The following ZMYND12 variants were observed in gnomAD, a reference collection of about 807,000 sequenced individuals.
ZMYND12 encodes zinc finger MYND domain-containing protein 12.
ZMYND12 carries 32 observed loss-of-function variants against 41.7 expected under a neutral mutation model. That is an observed-to-expected ratio of 0.77 (90% CI 0.58 to 1.03). The LOEUF (loss-of-function observed/expected upper bound fraction) is 1.03, where lower values mean the gene tolerates loss of function less well. ZMYND12 is among the 50% of genes least tolerant of loss of function. The pLI is 0.00. For missense variants in ZMYND12, 424 were observed against 438.5 expected (o/e 0.97, Z 0.30); for synonymous variants, 148 against 164.8 (o/e 0.90, Z 0.78).
chr1:42,449,833 T>C (rs1293988992), intron 2 of ZMYND12, 85 bp downstream of exon 2: 1 of 1,523,990 alleles, frequency 6.6e-7, no homozygotes, highest in Non-Finnish European at 8.8e-7. Context: ...GGTTACAATT[T>C]AGTGATCCCA....
rs1258298951 is a variant in ZMYND12 at position 42,436,478 on chromosome 1, C to A, written c.660G>T (p.Leu220=). The part of the protein sequence containing the change: ...DIRTSGGYFH[L]ANIFYDLKKL... ...TTTTAAGGTCATAGAATATATTAGCCAGGTGGAAGTAGCCTCCTGAAGTCC... is the reference window on the plus strand; with the variant it reads ...TTTTAAGGTCATAGAATATATTAGCAAGGTGGAAGTAGCCTCCTGAAGTCC... Residue 220 remains leucine (L), a synonymous_variant, in exon 5 of 8, where the codon CTG becomes CTT. Coordinates refer to ENST00000372565, the MANE Select transcript of ZMYND12 (RefSeq NM_032257.5). The A allele has an allele frequency of 1.2e-6, 2 of 1,613,786 alleles. No individual in the cohort carries two copies. Among genetic ancestry groups the A allele is most frequent in the East Asian group, 4.5e-5 (2 of 44,860 alleles).
At position 42,430,775 on chromosome 1, in the gene ZMYND12, T is replaced by A. The variant is rs1007083391; in HGVS notation, c.1059A>T (p.Leu353Phe). ...GGTCTTCAGTTGAAATGAGACTTAA[T>A]AACTCTTGAATGGTGCTTTGCTCAT... is the stretch of plus-strand genomic sequence containing the variant. ...DVHEQSTIQE[L>F]LSLISTEDHP... The change falls in exon 8 of 8, where the codon TTA (leucine) becomes TTT (phenylalanine). Residue 353 changes from leucine (L) to phenylalanine (F), a missense_variant. Leu to Phe is a conservative substitution (Grantham distance 22). Coordinates refer to ENST00000372565, the MANE Select transcript of ZMYND12 (RefSeq NM_032257.5). The A allele has an allele frequency of 6.2e-7, 1 of 1,614,210 alleles. No individual in the cohort carries two copies. Among genetic ancestry groups the A allele is most frequent in the Non-Finnish European group, 8.5e-7 (1 of 1,180,046 alleles).
intron 4 of ZMYND12, among the ~76,000 whole-genome samples, chr1:42,437,470 G>GTGTGTGTGTGTGTGTGTT (rs1251810714): frequency 4.6e-5 from 7 of 151,414 alleles, no homozygotes; most frequent in Non-Finnish European, 8.8e-5. Flanking sequence ...GTGTGTGTGT[G>GTGTGTGTGTGTGTGTGTT]TGTGTGTGTT....
chr1:42,442,117 G>T (rs113931263), intron 3 of ZMYND12, among the ~76,000 whole-genome samples: 3,159 of 152,180 alleles, frequency 0.021, 121 homozygotes, highest in African/African-American at 0.072. Context: ...CAGGGGGCAG[G>T]TCATGGAGGG....
chr1:42,454,292 G>A (rs973269986), intron 1 of ZMYND12, among the ~76,000 whole-genome samples: 3 of 152,194 alleles, frequency 2.0e-5, no homozygotes. Context: ...CTAAAGGCAA[G>A]GAAGCCACCA....
intron 7 of ZMYND12, among the ~76,000 whole-genome samples, chr1:42,432,641 G>C (rs1642865472): frequency 6.6e-6 from 1 of 152,120 alleles, no homozygotes; most frequent in Non-Finnish European, 1.5e-5. Context: ...CAGTTTCCTT[G>C]TTTGTAAAGT....
At chr1:42,439,224 C>CT (rs1261054518) in intron 4 of ZMYND12, among the ~76,000 whole-genome samples, 1 of 125,334 alleles carries the variant, frequency 8.0e-6, no homozygotes, top group Non-Finnish European at 1.7e-5. Context: ...GACGATGTGG[C>CT]TAGTGAAACA....
At position 42,439,997 on chromosome 1, in the gene ZMYND12, T is replaced by C. The variant is rs748588466; in HGVS notation, c.453A>G (p.Glu151=). ...LGLGRIVQAE[E]YLFQAQWTVL... Reference sequence around the variant, plus strand: ...CTGTCCACTGGGCTTGGAATAGATATTCTTCAGCCTGAACGATTCGGCCCA... The same window carrying C: ...CTGTCCACTGGGCTTGGAATAGATACTCTTCAGCCTGAACGATTCGGCCCA... The change falls in exon 4 of 8, where the codon GAA becomes GAG. Residue 151 remains glutamate, a synonymous_variant. Transcript: ENST00000372565. 1 of 1,612,340 alleles carries C rather than the reference T, an allele frequency of 6.2e-7. No homozygotes were observed. The highest frequency in any genetic ancestry group is 8.5e-7 in the Non-Finnish European group (1 of 1,179,520).
At chr1:42,453,074 G>T (rs926753038) in intron 1 of ZMYND12, among the ~76,000 whole-genome samples, 3 of 152,098 alleles carry the variant, frequency 2.0e-5, no homozygotes, top group Non-Finnish European at 2.9e-5. Flanking sequence ...GTGCCAACAT[G>T]GTTCCAGGAA....
chr1:42,444,808 T>C (rs1005826671), intron 3 of ZMYND12, among the ~76,000 whole-genome samples: 3 of 148,058 alleles, frequency 2.0e-5, no homozygotes, highest in African/African-American at 7.5e-5. Context: ...AGTTCTTTTT[T>C]TTTTTTTTTT....
In ZMYND12 at chr1:42,455,990, A is replaced by C; in HGVS notation, c.8T>G (p.Val3Gly). 6.2e-7 allele frequency: 1 copy of C among 1,611,860 alleles called. No homozygotes were observed. The highest frequency in any genetic ancestry group is 8.5e-7 in the Non-Finnish European group (1 of 1,179,334). Residue 3 changes from valine (V) to glycine (G), a missense_variant, in exon 1 of 8, where the codon GTG (valine) becomes GGG (glycine). Physicochemically the swap from Val to Gly is moderately radical, Grantham distance 109 (BLOSUM62 -3). Transcript: ENST00000372565. MN[V>G]IYPLAVPKGR... ...CTTGGGGACTGCCAGTGGGTAGATC[A>C]CATTCATGGTGCAGCCAGCAGTGCT...
intron 4 of ZMYND12, among the ~76,000 whole-genome samples, chr1:42,438,833 T>A (rs1207629996): frequency 6.6e-6 from 1 of 152,200 alleles, no homozygotes; most frequent in African/African-American, 2.4e-5. Context: ...AGAACCAACC[T>A]GCATGGAGAC....
At chr1:42,440,224 C>T (rs1194701990) in intron 3 of ZMYND12, among the ~76,000 whole-genome samples, 199 bp from the exon 4 acceptor site, 1 of 150,986 alleles carries the variant, frequency 6.6e-6, no homozygotes, top group Non-Finnish European at 1.5e-5. Context: ...AAATGTCCAT[C>T]AGCTGATGAG....
Position 42,430,855 on chromosome 1 carries a change from G to T in ZMYND12, c.979C>A (p.Gln327Lys), listed in dbSNP as rs141016380. The T allele has an allele frequency of 1.5e-5, 25 of 1,613,764 alleles. No homozygotes were observed. Among genetic ancestry groups the T allele is most frequent in the Non-Finnish European group, 2.0e-5 (24 of 1,179,816 alleles). ...YYLMMNSSKAQEYGMRALSLA... is the reference protein window; with the variant it reads ...YYLMMNSSKAKEYGMRALSLA... ...CTGAGGGCCCTCATGCCATATTCCT[G>T]TGCCTGAAATAGAATTGCAGTGACA... is the stretch of plus-strand genomic sequence containing the variant. Residue 327 changes from glutamine (Q) to lysine (K), a missense_variant, in exon 8 of 8, where the codon CAG becomes AAG. Transcript: ENST00000372565.
rs769513255 is a variant in ZMYND12 at position 42,430,667 on chromosome 1, T to A, written c.*69A>T. On this transcript the variant is annotated 3_prime_UTR_variant, in exon 8 of 8. Coordinates refer to ENST00000372565, the MANE Select transcript of ZMYND12 (RefSeq NM_032257.5). ...AGTCTACAGTACCTCAAAGCAGTTG[T>A]GCAAGGCTGGAATATATTAGATCTT... 14 of 1,588,704 alleles carry A rather than the reference T, an allele frequency of 8.8e-6. No individual in the cohort carries two copies. Among genetic ancestry groups the A allele is most frequent in the Non-Finnish European group, 1.1e-5 (13 of 1,160,608 alleles).
At chr1:42,448,079 A>G (rs539960170) in intron 3 of ZMYND12, among the ~76,000 whole-genome samples, 19 of 152,318 alleles carry the variant, frequency 1.2e-4, no homozygotes, top group African/African-American at 3.6e-4. Context: ...TACAGTGAGC[A>G]TAGGGTAGAC....
intron 5 of ZMYND12, among the ~76,000 whole-genome samples, chr1:42,435,781 T>C (rs1442552743): frequency 6.6e-6 from 1 of 152,228 alleles, no homozygotes; most frequent in Non-Finnish European, 1.5e-5. Flanking sequence ...AGCTGTTAAG[T>C]GGCATAGCCA....
rs1642897228 is a variant in ZMYND12, at chr1:42,435,522, A to G, written c.718-137T>C. On this transcript the variant is annotated intron_variant, in intron 5 of 7. Coordinates refer to ENST00000372565, the MANE Select transcript of ZMYND12 (RefSeq NM_032257.5). ...TCTCTCTTACTGTGCCTGGAGGCAG[A>G]GGGAACCCTAGGAGCCCAAACAGGC... 1.4e-5 allele frequency: 9 copies of G among 641,054 alleles called. No individual in the cohort carries two copies. The South Asian group carries it at 1.6e-4, about 12-fold the overall frequency. The allele number at this position is 641,054 out of a possible 1,614,324, so 39.7% of individuals were successfully genotyped here.
intron 4 of ZMYND12, among the ~76,000 whole-genome samples, chr1:42,439,308 C>T (rs1642941353): frequency 6.6e-6 from 1 of 150,878 alleles, no homozygotes; most frequent in South Asian, 2.1e-4. Context: ...GCTCTGTCGC[C>T]AGGCTGGAGT....
Sources: allele counts gnomAD v4.1 joint callset (sites outside exome capture counted in the v4.1 genomes callset), GRCh38; gene constraint gnomAD v4.1.1; transcripts MANE v1.5; gene names NCBI Gene and HGNC (gene_info 2026-07-23, HGNC 2026-07-21).